Variants in WDFY3 observed in about 807,000 individuals in gnomAD.
WDFY3 encodes WD repeat and FYVE domain containing 3.
A neutral mutation model predicts 409.6 loss-of-function variants in WDFY3; 66 were observed. The ratio of observed to expected loss-of-function variants is 0.16; its 90% CI spans 0.13 to 0.20. WDFY3 has a LOEUF of 0.20. Ranked by LOEUF, WDFY3 falls within the 10% of genes least tolerant of loss-of-function variation. The pLI, the probability that WDFY3 is intolerant of heterozygous loss-of-function variation, is 1.00. For missense variants in WDFY3, 3,031 were observed against 4,298.1 expected (o/e 0.71, Z 8.24); for synonymous variants, 1,521 against 1,537.1 (o/e 0.99, Z 0.25).
chr4:84,896,096 A>C (rs1448689253), intron 3 of WDFY3, among the ~76,000 whole-genome samples: 2 of 151,950 alleles, frequency 1.3e-5, no homozygotes, highest in Non-Finnish European at 2.9e-5. Context: ...TCTCTACTAA[A>C]AATACAAAAA....
rs1441906464 is a variant in WDFY3, at chr4:84,836,972, G to T, written c.533C>A (p.Pro178His). The T allele has an allele frequency of 6.3e-7, 1 of 1,592,430 alleles. No homozygotes were observed. Among genetic ancestry groups the T allele is most frequent in the African/African-American group, 1.3e-5 (1 of 74,268 alleles). ...EAVGGAQNEL[P>H]LAERRGLLQK... ...GAGTAGTCCTCGACGTTCTGCTAGA[G>T]GTAGCTCATTCTGTGCACCTCCAAC... The change falls in exon 7 of 68, where the codon CCT becomes CAT. Residue 178 changes from proline (P) to histidine (H), a missense_variant. This residue lies in a region of WDFY3 where 1,322 missense variants were observed against 1,697.9 expected (regional missense o/e 0.78). Coordinates refer to ENST00000295888, the MANE Select transcript of WDFY3 (RefSeq NM_014991.6).
intron 18 of WDFY3, among the ~76,000 whole-genome samples, chr4:84,797,388 T>C (rs1032996507): frequency 2.0e-5 from 3 of 152,030 alleles, no homozygotes; most frequent in African/African-American, 7.2e-5. Flanking sequence ...ACATTACAAA[T>C]GTAATGAAGA....
intron 1 of WDFY3, among the ~76,000 whole-genome samples, chr4:84,947,791 A>T (rs1209220355): frequency 6.7e-6 from 1 of 150,186 alleles, no homozygotes; most frequent in Admixed American, 6.7e-5. Context: ...TTAAGGAGGG[A>T]GGACCACTTA....
intron 7 of WDFY3, among the ~76,000 whole-genome samples, chr4:84,834,500 A>AC (rs1280739157): frequency 6.6e-6 from 1 of 151,982 alleles, no homozygotes; most frequent in Non-Finnish European, 1.5e-5. Flanking sequence ...CAAAAAAAAA[A>AC]AACTAGCCAG....
At chr4:84,676,393 T>C (rs1726299028) in intron 67 of WDFY3, among the ~76,000 whole-genome samples, 1 of 152,194 alleles carries the variant, frequency 6.6e-6, no homozygotes, top group Non-Finnish European at 1.5e-5. Flanking sequence ...TTGGAGAACC[T>C]TCATGGCCTG....
At chr4:84,776,982 A>G (rs1242559544) in intron 27 of WDFY3, among the ~76,000 whole-genome samples, 1 of 152,134 alleles carries the variant, frequency 6.6e-6, no homozygotes, top group Non-Finnish European at 1.5e-5. Context: ...GAATTAAGAT[A>G]TAGCAGTAGA....
rs140135224 is a variant in WDFY3, at chr4:84,705,293, T to C, written c.8335+101A>G. ...ACATATAATACATATAGATATGATA[T>C]ATAAGCAATTTGAAGGAGGATGTAG... On this transcript the variant is annotated intron_variant, in intron 54 of 67. Coordinates refer to ENST00000295888, the MANE Select transcript of WDFY3 (RefSeq NM_014991.6). The C allele has an allele frequency of 1.7e-5, 14 of 841,258 alleles. No individual in the cohort carries two copies. The East Asian group carries it at 2.7e-4, about 16-fold the overall frequency. The allele number at this position is 841,258 out of a possible 1,614,324, so 52.1% of individuals were successfully genotyped here.
chr4:84,858,232 A>T (rs541561010), intron 4 of WDFY3, among the ~76,000 whole-genome samples: 1 of 152,304 alleles, frequency 6.6e-6, no homozygotes, highest in South Asian at 2.1e-4. Flanking sequence ...CAACCCAATA[A>T]GGTTGACATT....
intron 13 of WDFY3, among the ~76,000 whole-genome samples, chr4:84,814,665 C>G (rs1419707820): frequency 2.0e-5 from 3 of 152,036 alleles, no homozygotes; most frequent in Non-Finnish European, 4.4e-5. Flanking sequence ...TCCCTGTGTT[C>G]AAGTAACCCT....
intron 1 of WDFY3, among the ~76,000 whole-genome samples, 176 bp downstream of exon 1, chr4:84,966,033 C>T (rs1010467285): frequency 6.6e-5 from 10 of 151,974 alleles, no homozygotes; most frequent in Admixed American, 6.6e-4. Context: ...CCGGCCAAGG[C>T]GGACCCTGGG....
chr4:84,748,284 T>C (rs1739863698), intron 36 of WDFY3, among the ~76,000 whole-genome samples: 1 of 152,218 alleles, frequency 6.6e-6, no homozygotes, highest in Non-Finnish European at 1.5e-5. Context: ...TTAAATCTTA[T>C]TTAGTTTTCA....
At chr4:84,691,191 C>A (rs987962553) in intron 60 of WDFY3, among the ~76,000 whole-genome samples, 2 of 152,078 alleles carry the variant, frequency 1.3e-5, no homozygotes, top group South Asian at 4.2e-4. Context: ...TTATGGGACC[C>A]AAAACAGTTG....
intron 19 of WDFY3, among the ~76,000 whole-genome samples, chr4:84,795,698 G>A (rs1749299411): frequency 6.6e-6 from 1 of 151,926 alleles, no homozygotes; most frequent in Non-Finnish European, 1.5e-5. Context: ...AGAGGCGGAG[G>A]TTGCAGTGAG....
intron 4 of WDFY3, among the ~76,000 whole-genome samples, chr4:84,853,034 C>T (rs1759246173): frequency 6.6e-6 from 1 of 152,110 alleles, no homozygotes; most frequent in South Asian, 2.1e-4. Context: ...GCTGGGAATA[C>T]AGGCATGAGC....
intron 31 of WDFY3, 112 bp downstream of exon 31, chr4:84,766,140 T>A: frequency 6.7e-7 from 1 of 1,488,498 alleles, no homozygotes; most frequent in Non-Finnish European, 9.1e-7. Context: ...ATACTATAAA[T>A]TTCAGGGTTA....
At chr4:84,777,176 G>T (rs1745699122) in intron 27 of WDFY3, among the ~76,000 whole-genome samples, 3 of 152,176 alleles carry the variant, frequency 2.0e-5, no homozygotes, top group Admixed American at 2.0e-4. Context: ...GGGATGCTAA[G>T]TTCAGTTAAG....
At chr4:84,882,439 T>C (rs372313622) in intron 3 of WDFY3, among the ~76,000 whole-genome samples, 1 of 152,288 alleles carries the variant, frequency 6.6e-6, no homozygotes, top group Admixed American at 6.5e-5. Context: ...AATGGATGGA[T>C]AGAATGAAGC....
intron 4 of WDFY3, among the ~76,000 whole-genome samples, chr4:84,856,131 A>C (rs1560934477): frequency 2.6e-5 from 4 of 152,188 alleles, no homozygotes; most frequent in Non-Finnish European, 5.9e-5. Context: ...CTGCCTTCTG[A>C]TCTCTCTCTT....
At position 84,871,847 on chromosome 4, in the gene WDFY3, C is replaced by T. The variant is rs570632753; in HGVS notation, c.-31-11225G>A. Among the ~76,000 whole-genome samples the T allele has an allele frequency of 6.2e-4, 95 of 152,252 alleles. 4 individuals carry two copies. In the South Asian group the frequency reaches 0.019, roughly 31 times the overall value. On this transcript the variant is annotated intron_variant, in intron 3 of 67. Transcript: ENST00000295888. ...CTAGGTATTTGCCATGTTTCCCAGG[C>T]TAGTCTCAAACTCCTGGCTCAAGTG...
Sources: gnomAD v4.1 joint callset for allele counts (sites outside exome capture counted in the v4.1 genomes callset) on GRCh38, gnomAD v4.1.1 for gene constraint, gnomAD v4.1.1 regional missense constraint, MANE v1.5 for transcripts, NCBI Gene and HGNC (gene_info 2026-07-23, HGNC 2026-07-21) for gene names.